NTM: variants seen among roughly 807,000 people sequenced by gnomAD.
NTM encodes the protein IgLON family member 2.
In NTM, 13 loss-of-function variants were observed where a neutral mutation model predicts 42.1. The ratio of observed to expected loss-of-function variants is 0.31; its 90% CI spans 0.20 to 0.49. The LOEUF (loss-of-function observed/expected upper bound fraction) is 0.49. NTM is among the 20% of genes least tolerant of loss of function. The pLI is 0.99. For missense variants in NTM, 373 were observed against 452.8 expected, an observed-to-expected ratio of 0.82 and a Z score of 1.60; for synonymous variants, 187 against 179.2, an observed-to-expected ratio of 1.04 and a Z score of -0.35.
chr11:131,399,235 T>C (rs1376362835), intron 1 of NTM, among the ~76,000 whole-genome samples: 1 of 152,196 alleles, frequency 6.6e-6, no homozygotes, highest in Non-Finnish European at 1.5e-5. Flanking sequence ...CATGGGTCCA[T>C]AGTTATCTCC....
chr11:131,455,749 G>A (rs11222626), intron 1 of NTM, among the ~76,000 whole-genome samples: 2,655 of 152,310 alleles, frequency 0.017, 40 homozygotes, highest in Non-Finnish European at 0.027. Context: ...CATGCTGGGA[G>A]TGGTGGAGGC....
intron 2 of NTM, among the ~76,000 whole-genome samples, chr11:132,087,147 C>T (rs2059819290): frequency 1.3e-5 from 2 of 152,116 alleles, no homozygotes; most frequent in Admixed American, 6.5e-5. Context: ...CTTCTTCTGT[C>T]CTTATATTCC....
chr11:131,864,119 A>G (rs2046907339), intron 1 of NTM, among the ~76,000 whole-genome samples: 1 of 152,142 alleles, frequency 6.6e-6, no homozygotes, highest in Non-Finnish European at 1.5e-5. Context: ...CAATCACACA[A>G]TTACCCTGAA....
intron 2 of NTM, among the ~76,000 whole-genome samples, chr11:132,091,597 C>T (rs116944485): frequency 0.016 from 2,494 of 151,620 alleles, 45 homozygotes; most frequent in South Asian, 0.086. Context: ...CCTCCCACCT[C>T]AGCCTCCCGA....
At chr11:131,589,926 G>A (rs530461643) in intron 1 of NTM, among the ~76,000 whole-genome samples, 39 of 152,140 alleles carry the variant, frequency 2.6e-4, no homozygotes, top group African/African-American at 8.4e-4. Flanking sequence ...TTTCTTCTGC[G>A]CTAAAACCCA....
chr11:131,985,206 G>T (rs531975523), intron 2 of NTM, among the ~76,000 whole-genome samples: 195 of 152,276 alleles, frequency 1.3e-3, no homozygotes, highest in Admixed American at 2.2e-3. Context: ...AGAGCCGCAG[G>T]TTCAGTAGGC....
chr11:131,630,573 T>C (rs2512866), intron 1 of NTM, among the ~76,000 whole-genome samples: 23,799 of 152,164 alleles, frequency 0.16, 2,395 homozygotes, highest in East Asian at 0.26. Context: ...TCACTTTGCA[T>C]AGTCTGTACA....
At chr11:131,399,630 G>A (rs1449658544) in intron 1 of NTM, among the ~76,000 whole-genome samples, 1 of 152,164 alleles carries the variant, frequency 6.6e-6, no homozygotes, top group African/African-American at 2.4e-5. Context: ...TCAGCACACA[G>A]AGCCCCTCAC....
chr11:131,853,554 C>T (rs1365695318), intron 1 of NTM, among the ~76,000 whole-genome samples: 2 of 152,190 alleles, frequency 1.3e-5, no homozygotes, highest in Non-Finnish European at 2.9e-5. Flanking sequence ...CCGTCCGTGT[C>T]CCTGCAAAAG....
chr11:131,677,003 T>G lies in NTM; in HGVS notation c.83-234561T>G, dbSNP rs531809057. On this transcript the variant is annotated intron_variant, in intron 1 of 8. Transcript: ENST00000683400. ...TTGTCTTTCCTGACACTGACATTTTTGATGATGACAGACTGATTGGTAGTG... is the reference window on the plus strand; with the variant it reads ...TTGTCTTTCCTGACACTGACATTTTGGATGATGACAGACTGATTGGTAGTG... Among the ~76,000 whole-genome samples, 22 of 91,590 alleles carry G rather than the reference T, an allele frequency of 2.4e-4. No individual in the cohort carries two copies. The South Asian group carries it at 8.0e-3, about 33-fold the overall frequency. 60.1% of individuals were successfully genotyped at this position (91,590 alleles called of 152,430 possible).
At chr11:131,478,867 C>T (rs1953243119) in intron 1 of NTM, among the ~76,000 whole-genome samples, 1 of 152,232 alleles carries the variant, frequency 6.6e-6, no homozygotes, top group Admixed American at 6.5e-5. Context: ...TAGCCCAGCA[C>T]CTACATTTCA....
At chr11:132,295,780 C>T (rs765525944) in intron 4 of NTM, among the ~76,000 whole-genome samples, 5 of 152,202 alleles carry the variant, frequency 3.3e-5, no homozygotes, top group South Asian at 2.1e-4. Flanking sequence ...TTCCATGCCA[C>T]GGAGCAATGT....
intron 1 of NTM, among the ~76,000 whole-genome samples, chr11:131,520,360 T>C (rs2049468532): frequency 6.6e-6 from 1 of 151,914 alleles, no homozygotes; most frequent in African/African-American, 2.4e-5. Context: ...AGCTGAAAAG[T>C]TTAGGTGATT....
At chr11:131,740,485 GGGTA>G (rs1422303200) in intron 1 of NTM, among the ~76,000 whole-genome samples, 1 of 152,170 alleles carries the variant, frequency 6.6e-6, no homozygotes, top group African/African-American at 2.4e-5. Flanking sequence ...AATTGGACAA[GGGTA>G]GGACACTAAT....
At chr11:131,582,050 A>C in intron 1 of NTM, 1 of 152,152 alleles carries the variant, frequency 6.6e-6, no homozygotes. Context: ...AGGGGCTCTC[A>C]GCCTTCACTC....
intron 1 of NTM, among the ~76,000 whole-genome samples, chr11:131,642,028 A>G (rs548063168): frequency 4.6e-5 from 7 of 152,018 alleles, no homozygotes; most frequent in Non-Finnish European, 8.8e-5. Flanking sequence ...CCCGGCCCCA[A>G]TATTCTAGAT....
chr11:131,817,354 C>T (rs2092992167), intron 1 of NTM, among the ~76,000 whole-genome samples: 1 of 152,114 alleles, frequency 6.6e-6, no homozygotes. Flanking sequence ...CATATCTGCT[C>T]AAAAAATAAA....
intron 2 of NTM, among the ~76,000 whole-genome samples, chr11:132,130,781 T>G (rs1407241517): frequency 6.6e-6 from 1 of 152,170 alleles, no homozygotes; most frequent in Admixed American, 6.5e-5. Flanking sequence ...GCCAGCAGGC[T>G]CTTCATGGAT....
intron 1 of NTM, among the ~76,000 whole-genome samples, chr11:131,891,355 C>T (rs1440086979): frequency 6.6e-6 from 1 of 152,088 alleles, no homozygotes; most frequent in Non-Finnish European, 1.5e-5. Context: ...TGTTGATTGA[C>T]AGAGATCGAG....
Sources: gnomAD v4.1 joint callset for allele counts (sites outside exome capture counted in the v4.1 genomes callset) on GRCh38, gnomAD v4.1.1 for gene constraint, MANE v1.5 for transcripts, NCBI Gene and HGNC (gene_info 2026-07-23, HGNC 2026-07-21) for gene names.